PARD3B: variants seen among roughly 807,000 people sequenced by gnomAD.
The protein encoded by PARD3B is par-3 family cell polarity regulator beta, also known as partitioning defective 3 homolog B.
PARD3B carries 103 observed loss-of-function variants against 130.2 expected under a neutral mutation model. The ratio of observed to expected loss-of-function variants is 0.79; its 90% confidence interval spans 0.67 to 0.93. The LOEUF is 0.93. PARD3B is among the 40% of genes least tolerant of loss of function. The pLI, the probability that PARD3B is intolerant of heterozygous loss-of-function variation, is 0.00. For synonymous variants in PARD3B, 583 were observed against 553.2 expected, an observed-to-expected ratio of 1.05 and a Z score of -0.76; for missense variants, 1,609 against 1,499.2, an observed-to-expected ratio of 1.07 and a Z score of -1.21.
In PARD3B at chr2:205,125,853, T is replaced by G; in HGVS notation, c.1434+116T>G. ...CACAGGCTTCATTCATAACCAAAAT[T>G]GAATCACACTCAGGGTATTTTACCC... On this transcript the variant is annotated intron_variant, in intron 10 of 22. Coordinates refer to ENST00000406610, the MANE Select transcript of PARD3B (RefSeq NM_001302769.2). The surrounding 1 kb of genome is among the most constrained non-coding windows in gnomAD (Gnocchi z 4.0). The G allele has an allele frequency of 7.3e-7, 1 of 1,369,184 alleles. No homozygotes were observed. Among genetic ancestry groups the G allele is most frequent in the South Asian group, 1.4e-5 (1 of 72,420 alleles). The allele number at this position is 1,369,184 out of a possible 1,614,324, so 84.8% of individuals were successfully genotyped here.
At chr2:204,602,984 T>G (rs1426989694) in intron 1 of PARD3B, among the ~76,000 whole-genome samples, 1 of 152,074 alleles carries the variant, frequency 6.6e-6, no homozygotes, top group Non-Finnish European at 1.5e-5. Context: ...TCAGAATAAT[T>G]GAAATAAACC....
chr2:205,503,378 ACATACTTTGTTCTTTTTTTTTTT>A (rs1207371091), intron 21 of PARD3B, among the ~76,000 whole-genome samples: 1 of 151,126 alleles, frequency 6.6e-6, no homozygotes, highest in East Asian at 1.9e-4. Context: ...GCCTCAGCTG[ACATACTTTGTTCTTTTTTTTTTT>A]CATACTTTGT....
chr2:204,721,398 T>C (rs1321432854), intron 2 of PARD3B, among the ~76,000 whole-genome samples: 1 of 152,144 alleles, frequency 6.6e-6, no homozygotes. Context: ...GGCCAGTCGT[T>C]TCAGAGGCTG....
intron 2 of PARD3B, among the ~76,000 whole-genome samples, chr2:204,841,593 G>GT (rs1280281699): frequency 6.6e-6 from 1 of 152,058 alleles, no homozygotes; most frequent in Non-Finnish European, 1.5e-5. Context: ...GAAGATGCAG[G>GT]TCTTTAACAT....
chr2:204,757,133 G>A (rs1340254077), intron 2 of PARD3B, among the ~76,000 whole-genome samples: 1 of 152,142 alleles, frequency 6.6e-6, no homozygotes, highest in African/African-American at 2.4e-5. Flanking sequence ...TGGTGTATGT[G>A]TACCACATTT....
intron 3 of PARD3B, among the ~76,000 whole-genome samples, chr2:204,983,426 A>T (rs1000414227): frequency 7.2e-6 from 1 of 139,096 alleles, no homozygotes; most frequent in Non-Finnish European, 1.6e-5. Context: ...GGAAGGGGGG[A>T]GGAGAGAAGT....
At chr2:204,893,711 C>G (rs889507459) in intron 2 of PARD3B, among the ~76,000 whole-genome samples, 3 of 152,018 alleles carry the variant, frequency 2.0e-5, no homozygotes, top group Non-Finnish European at 4.4e-5. Flanking sequence ...CTTGAAAACC[C>G]ATGTGTATTT....
intron 3 of PARD3B, among the ~76,000 whole-genome samples, chr2:204,992,154 C>T (rs1369569242): frequency 5.3e-5 from 8 of 150,552 alleles, no homozygotes; most frequent in East Asian, 1.9e-4. Context: ...TCTTTGCCCA[C>T]GCCTATGTCC....
intron 18 of PARD3B, among the ~76,000 whole-genome samples, chr2:205,385,776 G>A (rs1348912569): frequency 2.0e-5 from 3 of 151,898 alleles, no homozygotes; most frequent in African/African-American, 7.3e-5. Context: ...ATATACTTAA[G>A]GTAGCTACAT....
chr2:205,595,376 T>A (rs2106610305), intron 22 of PARD3B, among the ~76,000 whole-genome samples: 1 of 152,346 alleles, frequency 6.6e-6, no homozygotes, highest in Non-Finnish European at 1.5e-5. Flanking sequence ...GGGCAAACGG[T>A]AAATAACATT....
chr2:205,562,719 T>A lies in PARD3B; in HGVS notation c.3260+9316T>A, dbSNP rs1406762683. Reference sequence around the variant, plus strand: ...TAATCTTTGGTAGTTCTTGATGTTTTCCTATCTTATTGCCATTCCACCATC... The same window carrying A: ...TAATCTTTGGTAGTTCTTGATGTTTACCTATCTTATTGCCATTCCACCATC... On this transcript the variant is annotated intron_variant, in intron 22 of 22. Coordinates refer to ENST00000406610, the MANE Select transcript of PARD3B (RefSeq NM_001302769.2). This position sits in a 1 kb window ranked among gnomAD's most constrained non-coding sequence, Gnocchi z 5.4. Among the ~76,000 whole-genome samples, 2 of 152,206 alleles carry A rather than the reference T, an allele frequency of 1.3e-5. No individual in the cohort carries two copies. The highest frequency in any genetic ancestry group is 2.9e-5 in the Non-Finnish European group (2 of 68,044).
At chr2:205,576,563 A>G (rs1179056542) in intron 22 of PARD3B, among the ~76,000 whole-genome samples, 1 of 152,108 alleles carries the variant, frequency 6.6e-6, no homozygotes, top group Non-Finnish European at 1.5e-5. Context: ...TCTCTTCTCC[A>G]TTGTATTGCC....
chr2:204,923,469 A>G (rs1428704258), intron 2 of PARD3B, among the ~76,000 whole-genome samples: 2 of 151,980 alleles, frequency 1.3e-5, no homozygotes, highest in Non-Finnish European at 2.9e-5. Context: ...TTTAACTTAA[A>G]AATATATTCA....
intron 2 of PARD3B, among the ~76,000 whole-genome samples, chr2:204,824,544 G>A (rs1005462542): frequency 1.3e-5 from 2 of 152,102 alleles, no homozygotes; most frequent in East Asian, 1.9e-4. Flanking sequence ...ATATGCTTCC[G>A]GACTGGCACA....
rs867834026 is a variant in PARD3B at position 205,615,976 on chromosome 2, G to A, written c.*163G>A. On this transcript the variant is annotated 3_prime_UTR_variant, in exon 23 of 23. Transcript: ENST00000406610. ...CATGACTGCTAATCAGAGAGAAAAA[G>A]AAGGGGAAGGGAATTGGGGAGGAAA... 5.9e-5 allele frequency: 38 copies of A among 640,378 alleles called. No homozygotes were observed. The highest frequency in any genetic ancestry group is 9.0e-5 in the Non-Finnish European group (35 of 388,170). The allele number at this position is 640,378 out of a possible 1,614,324, so 39.7% of individuals were successfully genotyped here.
intron 3 of PARD3B, among the ~76,000 whole-genome samples, chr2:205,007,005 C>T (rs1032565845): frequency 1.3e-5 from 2 of 152,140 alleles, no homozygotes; most frequent in African/African-American, 4.8e-5. Context: ...TAACCCGAAT[C>T]TCATCTTGAA....
intron 4 of PARD3B, among the ~76,000 whole-genome samples, chr2:205,070,861 A>C (rs1296014055): frequency 1.3e-5 from 2 of 152,130 alleles, no homozygotes; most frequent in African/African-American, 4.8e-5. Context: ...AATTTCATTA[A>C]GTTTTGCAGT....
At chr2:205,067,548 A>T (rs1043126040) in intron 4 of PARD3B, among the ~76,000 whole-genome samples, 1 of 152,056 alleles carries the variant, frequency 6.6e-6, no homozygotes, top group Admixed American at 6.5e-5. Context: ...TTTTATTATT[A>T]TAGTGTATAT....
intron 3 of PARD3B, among the ~76,000 whole-genome samples, chr2:205,006,163 G>A (rs1160286114): frequency 2.0e-5 from 3 of 152,126 alleles, no homozygotes; most frequent in Non-Finnish European, 4.4e-5. Context: ...TTATGGCTGA[G>A]TAGTATTCCA....
Sources: allele counts gnomAD v4.1 joint callset (sites outside exome capture counted in the v4.1 genomes callset), GRCh38; gene constraint gnomAD v4.1.1; non-coding constraint Gnocchi (gnomAD v3.1); transcripts MANE v1.5; gene names NCBI Gene and HGNC (gene_info 2026-07-23, HGNC 2026-07-21).